The following GPC3 variants were observed in gnomAD, a reference collection of about 807,000 sequenced individuals.
GPC3 encodes the protein glypican 3.
In GPC3, 3 loss-of-function variants were observed where a neutral mutation model predicts 34.4. The observed-to-expected ratio is 0.09, with a 90% CI of 0.04 to 0.23. GPC3 has a LOEUF of 0.23. Ranked by LOEUF, GPC3 falls within the 10% of genes least tolerant of loss-of-function variation. The pLI is 1.00. For synonymous variants in GPC3, 177 were observed against 174.0 expected, an observed-to-expected ratio of 1.02 and a Z score of -0.13; for missense variants, 351 against 445.6, an observed-to-expected ratio of 0.79 and a Z score of 1.91.
intron 6 of GPC3, among the ~76,000 whole-genome samples, chrX:133,609,310 A>C (rs180916753): frequency 1.5e-3 from 164 of 112,502 alleles, no homozygotes; most frequent in Non-Finnish European, 2.1e-3. Context: ...TGGCAAGCCA[A>C]GTTATATTCT....
intron 3 of GPC3, among the ~76,000 whole-genome samples, chrX:133,726,621 T>G (rs182330489): frequency 1.8e-5 from 2 of 111,364 alleles, no homozygotes; most frequent in East Asian, 5.7e-4. Context: ...ACTCTCTTAT[T>G]ACCTCACCTT....
intron 2 of GPC3, among the ~76,000 whole-genome samples, chrX:133,850,447 T>C (rs1048268055): frequency 1.0e-4 from 11 of 109,795 alleles, no homozygotes; most frequent in African/African-American, 3.7e-4. Context: ...CTGAGGGAGG[T>C]GAAGATCAAT....
At chrX:133,667,859 T>C (rs1470683406) in intron 5 of GPC3, among the ~76,000 whole-genome samples, 1 of 107,433 alleles carries the variant, frequency 9.3e-6, no homozygotes, top group African/African-American at 3.4e-5. Flanking sequence ...CTTCTCTCTC[T>C]TGCTCTCTCT....
chrX:133,737,262 T>C (rs1052334418), intron 3 of GPC3, among the ~76,000 whole-genome samples: 27 of 112,232 alleles, frequency 2.4e-4, no homozygotes, highest in African/African-American at 8.7e-4. Flanking sequence ...CAATTTTGCA[T>C]GATACTAGAA....
At chrX:133,789,161 G>T (rs2072137066) in intron 2 of GPC3, among the ~76,000 whole-genome samples, 1 of 111,393 alleles carries the variant, frequency 9.0e-6, no homozygotes, top group African/African-American at 3.3e-5. Context: ...GACTACCAAA[G>T]TATTCATTTG....
chrX:133,870,841 A>G, intron 2 of GPC3, among the ~76,000 whole-genome samples: 1 of 111,970 alleles, frequency 8.9e-6, no homozygotes, highest in East Asian at 2.8e-4. Flanking sequence ...GAGTTGCTAA[A>G]TGGGATGGTC....
chrX:133,810,497 G>A, intron 2 of GPC3, among the ~76,000 whole-genome samples: 1 of 111,750 alleles, frequency 8.9e-6, no homozygotes, highest in Non-Finnish European at 1.9e-5. Flanking sequence ...CATCTGAAAT[G>A]TTTCATGTCT....
At chrX:133,857,966 C>G (rs763693840) in intron 2 of GPC3, among the ~76,000 whole-genome samples, 16 of 111,737 alleles carry the variant, frequency 1.4e-4, no homozygotes, top group Non-Finnish European at 2.6e-4. Context: ...GTTAGCAGAG[C>G]TGGGGAGATA....
At chrX:133,874,384 A>G (rs1363493257) in intron 2 of GPC3, among the ~76,000 whole-genome samples, 1 of 111,572 alleles carries the variant, frequency 9.0e-6, no homozygotes, top group Non-Finnish European at 1.9e-5. Flanking sequence ...AGATTTGTCT[A>G]TGTCACTGAT....
At chrX:133,581,479 C>G (rs1325257883) in intron 7 of GPC3, among the ~76,000 whole-genome samples, 3 of 112,145 alleles carry the variant, frequency 2.7e-5, no homozygotes, top group Non-Finnish European at 5.6e-5. Context: ...TATTTAACAA[C>G]TGGCTCTCAA....
intron 2 of GPC3, among the ~76,000 whole-genome samples, chrX:133,842,685 T>C (rs1039984857): frequency 2.7e-5 from 3 of 110,805 alleles, no homozygotes; most frequent in Non-Finnish European, 5.7e-5. Flanking sequence ...AGTTTCTATA[T>C]AGAAATTATT....
At chrX:133,772,545 T>C (rs2071934252) in intron 2 of GPC3, among the ~76,000 whole-genome samples, 1 of 111,944 alleles carries the variant, frequency 8.9e-6, no homozygotes, top group Non-Finnish European at 1.9e-5. Flanking sequence ...CCTTATTCAT[T>C]AAATTAAAAC....
At chrX:133,712,878 C>T (rs1397396625) in intron 3 of GPC3, among the ~76,000 whole-genome samples, 2 of 110,228 alleles carry the variant, frequency 1.8e-5, no homozygotes, top group African/African-American at 3.3e-5. Context: ...GAGCGAGACT[C>T]CCTCTCAAAA....
At chrX:133,813,213 G>T (rs1354088123) in intron 2 of GPC3, among the ~76,000 whole-genome samples, 3 of 112,411 alleles carry the variant, frequency 2.7e-5, no homozygotes, top group Non-Finnish European at 5.6e-5. Flanking sequence ...CTAACACTAG[G>T]CCTACAAAAG....
At chrX:133,974,645 G>A (rs760740458) in intron 1 of GPC3, among the ~76,000 whole-genome samples, 93 of 111,185 alleles carry the variant, frequency 8.4e-4, no homozygotes, top group South Asian at 3.1e-3. Flanking sequence ...CAAAAGCCTG[G>A]AAAATATCAT....
Position 133,912,946 on chromosome X carries a change from C to T in GPC3, c.337+40104G>A, listed in dbSNP as rs948333465. 5.6e-5 allele frequency among the ~76,000 whole-genome samples: 6 copies of T among 107,954 alleles called. No homozygotes were observed. In the Admixed American group the frequency reaches 6.0e-4, roughly 11 times the overall value. The allele number at this position is 107,954 out of a possible 115,157, so 93.7% of individuals were successfully genotyped here. A position where few individuals can be genotyped will look rare whatever the true frequency, so the allele number is the denominator to read the frequency against. On this transcript the variant is annotated intron_variant, in intron 2 of 7. Transcript: ENST00000370818. ...GTGCACGCCTGTAGTCCCAGCTACT[C>T]GGGAGTCTGAGGCAGGAGAATTGCT...
At chrX:133,972,764 A>G (rs889332542) in intron 1 of GPC3, among the ~76,000 whole-genome samples, 1 of 112,201 alleles carries the variant, frequency 8.9e-6, no homozygotes, top group Non-Finnish European at 1.9e-5. Flanking sequence ...GACAATTTCA[A>G]GGTTTCGAGT....
At chrX:133,697,137 T>C (rs1603227616) in intron 4 of GPC3, among the ~76,000 whole-genome samples, 1 of 112,871 alleles carries the variant, frequency 8.9e-6, no homozygotes. Flanking sequence ...TGGAAATCAC[T>C]GCAAGTAAAA....
chrX:133,669,170 T>C (rs761183353), intron 5 of GPC3, among the ~76,000 whole-genome samples: 14 of 112,113 alleles, frequency 1.2e-4, no homozygotes, highest in Non-Finnish European at 2.3e-4. Flanking sequence ...CTTGTGTTCT[T>C]GGGAGACAAG....
Sources: allele counts gnomAD v4.1 joint callset (sites outside exome capture counted in the v4.1 genomes callset), GRCh38; gene constraint gnomAD v4.1.1; transcripts MANE v1.5; gene names NCBI Gene and HGNC (gene_info 2026-07-23, HGNC 2026-07-21).